Variants in ADGRL3 observed in about 807,000 individuals in gnomAD.
The protein encoded by ADGRL3 is calcium-independent alpha-latrotoxin receptor 3.
A neutral mutation model predicts 153.5 loss-of-function variants in ADGRL3; 62 were observed. The observed-to-expected ratio is 0.40, with a 90% CI of 0.33 to 0.50. The LOEUF (loss-of-function observed/expected upper bound fraction) is 0.50. Ranked by LOEUF, ADGRL3 falls within the 20% of genes least tolerant of loss-of-function variation. ADGRL3 has a pLI of 0.47. For synonymous variants in ADGRL3, 710 were observed against 672.5 expected (o/e 1.06, Z -0.86); for missense variants, 1,641 against 1,859.4 (o/e 0.88, Z 2.16).
chr4:61,678,164 T>C (rs2095253238), intron 6 of ADGRL3, among the ~76,000 whole-genome samples: 1 of 152,016 alleles, frequency 6.6e-6, no homozygotes. Context: ...CTAGTGATAT[T>C]TTAAGGAAAT....
At chr4:62,025,508 A>G (rs1717977645) in intron 21 of ADGRL3, among the ~76,000 whole-genome samples, 1 of 152,096 alleles carries the variant, frequency 6.6e-6, no homozygotes, top group African/African-American at 2.4e-5. Flanking sequence ...AGATCAAGTA[A>G]AGCTTGTGGA....
At chr4:61,893,957 C>T (rs1032901979) in intron 10 of ADGRL3, among the ~76,000 whole-genome samples, 8 of 151,920 alleles carry the variant, frequency 5.3e-5, no homozygotes, top group African/African-American at 1.5e-4. Flanking sequence ...ATGATCAGCC[C>T]GCCTCAGCCT....
intron 15 of ADGRL3, among the ~76,000 whole-genome samples, chr4:61,938,371 A>G (rs1375497031): frequency 2.0e-5 from 3 of 152,216 alleles, no homozygotes; most frequent in East Asian, 1.9e-4. Context: ...GTGAATTACT[A>G]TGATTTGCTC....
In ADGRL3 at chr4:61,215,189, A is replaced by G. The variant is rs1049572714; in HGVS notation, c.-240+13424A>G. Among the ~76,000 whole-genome samples, 4 of 152,320 alleles carry G rather than the reference A, an allele frequency of 2.6e-5. No individual in the cohort carries two copies. The South Asian group carries it at 6.2e-4, about 24-fold the overall frequency. On this transcript the variant is annotated intron_variant, in intron 1 of 26. Coordinates refer to ENST00000683033, the MANE Select transcript of ADGRL3 (RefSeq NM_001387552.1). ...TTTCTAGCAGTCAGAGTGGAAACAT[A>G]TTCTACTTTCAGTATCAATATTTTG...
chr4:61,380,081 T>C (rs1035787267), intron 1 of ADGRL3, among the ~76,000 whole-genome samples: 12 of 151,950 alleles, frequency 7.9e-5, no homozygotes, highest in African/African-American at 2.9e-4. Flanking sequence ...ATAGAAAATG[T>C]ATGTAAATTA....
chr4:61,605,573 T>C (rs2099029390), intron 5 of ADGRL3, among the ~76,000 whole-genome samples: 1 of 152,186 alleles, frequency 6.6e-6, no homozygotes, highest in Admixed American at 6.5e-5. Flanking sequence ...AATTGTGATG[T>C]GTGAGTAGTT....
chr4:61,265,420 C>T (rs531176954), intron 1 of ADGRL3, among the ~76,000 whole-genome samples: 1 of 151,710 alleles, frequency 6.6e-6, no homozygotes, highest in African/African-American at 2.4e-5. Context: ...TTTTATCCAC[C>T]CCTTGATAGC....
chr4:61,682,563 A>ATTTT (rs10685495), intron 6 of ADGRL3, among the ~76,000 whole-genome samples: 46 of 136,250 alleles, frequency 3.4e-4, no homozygotes, highest in Non-Finnish European at 4.8e-4. Context: ...CTTTAAAAAA[A>ATTTT]TTTTTTTTTT....
At chr4:61,251,420 A>G (rs1759216078) in intron 1 of ADGRL3, among the ~76,000 whole-genome samples, 1 of 152,178 alleles carries the variant, frequency 6.6e-6, no homozygotes, top group Non-Finnish European at 1.5e-5. Flanking sequence ...GCTGCATGGC[A>G]TTTGATGACC....
intron 1 of ADGRL3, among the ~76,000 whole-genome samples, chr4:61,380,326 T>C (rs1404723190): frequency 6.6e-6 from 1 of 151,970 alleles, no homozygotes; most frequent in Non-Finnish European, 1.5e-5. Flanking sequence ...CCTGAATTCA[T>C]ACCAACTAGA....
At chr4:61,700,605 T>C (rs1249768325) in intron 6 of ADGRL3, among the ~76,000 whole-genome samples, 1 of 151,882 alleles carries the variant, frequency 6.6e-6, no homozygotes, top group Non-Finnish European at 1.5e-5. Context: ...TGGGGTGAGG[T>C]AGTAGAGAAA....
At chr4:61,795,306 G>T (rs1011162927) in intron 8 of ADGRL3, among the ~76,000 whole-genome samples, 3 of 152,080 alleles carry the variant, frequency 2.0e-5, no homozygotes, top group Admixed American at 6.6e-5. Context: ...ATTTATTTTT[G>T]TGTGTAGAGG....
intron 8 of ADGRL3, among the ~76,000 whole-genome samples, chr4:61,759,664 C>G (rs1056091926): frequency 8.6e-5 from 13 of 152,010 alleles, no homozygotes; most frequent in Admixed American, 7.9e-4. Context: ...GCCTTCTTCT[C>G]TCAACTCATC....
At chr4:61,234,948 G>T (rs1410960651) in intron 1 of ADGRL3, among the ~76,000 whole-genome samples, 4 of 152,138 alleles carry the variant, frequency 2.6e-5, no homozygotes, top group Non-Finnish European at 5.9e-5. Flanking sequence ...GATATGAGAT[G>T]CTTGAATGTG....
At chr4:61,346,659 C>A (rs1171924298) in intron 1 of ADGRL3, among the ~76,000 whole-genome samples, 1 of 150,722 alleles carries the variant, frequency 6.6e-6, no homozygotes, top group East Asian at 2.0e-4. Flanking sequence ...ACTATTGTCC[C>A]GGCTACTCTG....
At chr4:61,779,973 C>T (rs1253206683) in intron 8 of ADGRL3, among the ~76,000 whole-genome samples, 1 of 152,102 alleles carries the variant, frequency 6.6e-6, no homozygotes, top group Non-Finnish European at 1.5e-5. Flanking sequence ...TGAAGTAAGG[C>T]CCTGGGTCAG....
chr4:61,283,614 G>A (rs2093811554), intron 1 of ADGRL3, among the ~76,000 whole-genome samples: 1 of 151,928 alleles, frequency 6.6e-6, no homozygotes, highest in Non-Finnish European at 1.5e-5. Flanking sequence ...AAATGGTACA[G>A]ATTGTTTCTT....
intron 11 of ADGRL3, 56 bp from the exon 12 acceptor site, chr4:61,909,504 C>A: frequency 1.7e-6 from 2 of 1,185,528 alleles, no homozygotes; most frequent in Non-Finnish European, 2.4e-6. Context: ...TGAAAGAAAG[C>A]AATAAAAGTA....
intron 9 of ADGRL3, among the ~76,000 whole-genome samples, chr4:61,872,736 T>C (rs2098453097): frequency 6.6e-6 from 1 of 151,986 alleles, no homozygotes; most frequent in Non-Finnish European, 1.5e-5. Flanking sequence ...TCTTCCCAAC[T>C]TTCCTTGACA....
Sources: gnomAD v4.1 joint callset for allele counts (sites outside exome capture counted in the v4.1 genomes callset) on GRCh38, gnomAD v4.1.1 for gene constraint, MANE v1.5 for transcripts, NCBI Gene and HGNC (gene_info 2026-07-23, HGNC 2026-07-21) for gene names.